Variants in LRRC9 observed in about 807,000 individuals in gnomAD.
LRRC9 encodes leucine-rich repeat-containing protein 9.
In LRRC9, 122 loss-of-function variants were observed where a neutral mutation model predicts 63.2. The ratio of observed to expected loss-of-function variants is 1.93; its 90% confidence interval spans 1.67 to 2.24. LRRC9 has a LOEUF of 2.24. LRRC9 is among the 30% of genes most tolerant of loss of function. LRRC9 has a pLI of 0.00. For synonymous variants in LRRC9, 366 were observed against 213.1 expected, an observed-to-expected ratio of 1.72 and a Z score of -6.25; for missense variants, 1,071 against 627.7, an observed-to-expected ratio of 1.71 and a Z score of -7.55.
chr14:59,948,397 G>C (rs995061212), intron 8 of LRRC9, among the ~76,000 whole-genome samples: 10 of 140,694 alleles, frequency 7.1e-5, no homozygotes, highest in Non-Finnish European at 1.1e-4. Flanking sequence ...ATCAGCTTAA[G>C]GAGATTTTGG....
In LRRC9 at chr14:59,964,309, A is replaced by C. The variant is rs150568120; in HGVS notation, c.1212-2280A>C. On this transcript the variant is annotated intron_variant, in intron 10 of 31. Transcript: ENST00000445360. The surrounding 1 kb of genome is among the most constrained non-coding windows in gnomAD (Gnocchi z 4.4). ...CATAACTTCTGTTCAACTCTTTTAA[A>C]GTCAGCTGAACTGTGTACCGCACTG... is the stretch of plus-strand genomic sequence containing the variant. 9.1e-3 allele frequency among the ~76,000 whole-genome samples: 1,382 copies of C among 152,326 alleles called. 9 individuals carry two copies. Among genetic ancestry groups the C allele is most frequent in the Non-Finnish European group, 0.016 (1,065 of 68,022 alleles).
rs1275774204 is a variant in LRRC9 at position 59,959,999 on chromosome 14, A to AC, written c.1065dup (p.Lys356GlnfsTer5). On this transcript the variant is annotated frameshift_variant, in exon 9 of 32. Transcript: ENST00000445360. LOFTEE classifies it high-confidence loss of function. ...TTGAATGAAAGGGTAACATTCTGGA[A>AC]CAAAAAACTAGATGAGTATGTTTAA... 3.0e-6 allele frequency: 2 copies of AC among 667,914 alleles called. No individual in the cohort carries two copies. The highest frequency in any genetic ancestry group is 4.8e-5 in the Admixed American group (2 of 41,624). The allele number at this position is 667,914 out of a possible 1,614,324, so 41.4% of individuals were successfully genotyped here.
chr14:59,949,588 T>C (rs1421697959), intron 8 of LRRC9, among the ~76,000 whole-genome samples: 2 of 144,318 alleles, frequency 1.4e-5, no homozygotes, highest in African/African-American at 4.9e-5. Context: ...AATTGTGATG[T>C]TAGGGTGTCA....
At chr14:59,978,099 G>A (rs550181051) in exon 15 of LRRC9, 68 of 701,954 alleles carry the variant, frequency 9.7e-5, no homozygotes, top group Non-Finnish European at 1.3e-4. Context: ...TTGTTTTGCC[G>A]GAATATGTTG....
intron 22 of LRRC9, among the ~76,000 whole-genome samples, chr14:60,006,937 C>G (rs932775625): frequency 1.4e-4 from 21 of 152,130 alleles, no homozygotes; most frequent in African/African-American, 4.8e-4. Flanking sequence ...TTACCAGTGG[C>G]TCAAACTTGG....
chr14:60,004,006 A>AC lies in LRRC9; in HGVS notation c.2842+208_2842+209insC, dbSNP rs1244994902. On this transcript the variant is annotated intron_variant, in intron 21 of 31. Transcript: ENST00000445360. The surrounding 1 kb of genome is among the most constrained non-coding windows in gnomAD (Gnocchi z 4.8). ...TTCTACAATGTATATATATACTTCA[A>AC]AACATCATGTTGTACAAGATAAATG... 6.6e-6 allele frequency among the ~76,000 whole-genome samples: 1 copy of AC among 152,200 alleles called. No individual in the cohort carries two copies.
intron 29 of LRRC9, among the ~76,000 whole-genome samples, chr14:60,038,671 G>C (rs1056431180): frequency 2.6e-5 from 4 of 152,178 alleles, no homozygotes; most frequent in African/African-American, 4.8e-5. Context: ...TTGGGGATGA[G>C]ACAATGGGGT....
intron 17 of LRRC9, among the ~76,000 whole-genome samples, chr14:59,994,582 T>C (rs1369420764): frequency 6.6e-6 from 1 of 152,158 alleles, no homozygotes; most frequent in Non-Finnish European, 1.5e-5. Context: ...TGCAGCACTA[T>C]TCACAATAGC....
intron 1 of LRRC9, among the ~76,000 whole-genome samples, chr14:59,925,394 A>T (rs1232727298): frequency 6.6e-6 from 1 of 152,172 alleles, no homozygotes; most frequent in Non-Finnish European, 1.5e-5. Flanking sequence ...AAGGAACAGT[A>T]TGTACTCACA....
intron 8 of LRRC9, 103 bp downstream of exon 8, chr14:59,944,847 A>G: frequency 2.0e-6 from 1 of 501,270 alleles, no homozygotes; most frequent in Non-Finnish European, 3.4e-6. Flanking sequence ...ACACATATAT[A>G]ATACACACAC....
exon 9 of LRRC9, chr14:59,959,830 C>T (rs780582541): frequency 3.2e-6 from 2 of 624,700 alleles, no homozygotes; most frequent in South Asian, 1.8e-5. Flanking sequence ...GGAACGAGAA[C>T]TGGCTGAACT....
chr14:59,987,906 A>G (rs1057346657), intron 17 of LRRC9, among the ~76,000 whole-genome samples: 1 of 152,216 alleles, frequency 6.6e-6, no homozygotes, highest in Non-Finnish European at 1.5e-5. Flanking sequence ...ATAGATGCTT[A>G]TCCACCAGTT....
rs1890163557 is a variant in LRRC9, at chr14:59,936,677, A to T, written c.544-1713A>T. 6.6e-6 allele frequency among the ~76,000 whole-genome samples: 1 copy of T among 152,196 alleles called. No homozygotes were observed. The highest frequency in any genetic ancestry group is 1.5e-5 in the Non-Finnish European group (1 of 68,018). On this transcript the variant is annotated intron_variant, in intron 6 of 31. Transcript: ENST00000445360. This position sits in a 1 kb window ranked among gnomAD's most constrained non-coding sequence, Gnocchi z 4.2. Reference sequence around the variant, plus strand: ...AGAATTTGACCAAATAATTCTCTGCACAGCTCTGTCCATAAATCTTCCTTT... The same window carrying T: ...AGAATTTGACCAAATAATTCTCTGCTCAGCTCTGTCCATAAATCTTCCTTT...
intron 30 of LRRC9, among the ~76,000 whole-genome samples, chr14:60,056,943 A>G (rs914618001): frequency 1.3e-5 from 2 of 152,180 alleles, no homozygotes; most frequent in South Asian, 4.1e-4. Flanking sequence ...TTGGGGGTTT[A>G]GTTTCAGAAG....
At chr14:59,989,238 AT>A (rs1381662514) in intron 17 of LRRC9, among the ~76,000 whole-genome samples, 1 of 151,294 alleles carries the variant, frequency 6.6e-6, no homozygotes, top group Non-Finnish European at 1.5e-5. Flanking sequence ...TTTTTAATCA[AT>A]TTTTCTGTTT....
At position 59,970,077 on chromosome 14, in the gene LRRC9, T is replaced by A. The variant is rs192464227; in HGVS notation, c.1506+2864T>A. ...TTTGTCACCCAGGTATTAAGCCTAG[T>A]ACCCATTAGTTATTTTTGCAGCTCC... On this transcript the variant is annotated intron_variant, in intron 12 of 31. Transcript: ENST00000445360. Among the ~76,000 whole-genome samples, 23 of 152,286 alleles carry A rather than the reference T, an allele frequency of 1.5e-4. No homozygotes were observed. The East Asian group carries it at 3.9e-3, about 26-fold the overall frequency.
chr14:59,979,346 C>T (rs932557789), intron 15 of LRRC9, among the ~76,000 whole-genome samples: 2 of 152,204 alleles, frequency 1.3e-5, no homozygotes, highest in Non-Finnish European at 2.9e-5. Context: ...CGGCCAGGTG[C>T]GGTGGCTCAC....
intron 16 of LRRC9, among the ~76,000 whole-genome samples, chr14:59,983,196 A>G (rs540292078): frequency 6.6e-6 from 1 of 152,300 alleles, no homozygotes; most frequent in East Asian, 1.9e-4. Context: ...CAAAATTCAC[A>G]TTATATTCTC....
At chr14:59,991,872 C>T (rs931865840) in intron 17 of LRRC9, among the ~76,000 whole-genome samples, 2 of 152,224 alleles carry the variant, frequency 1.3e-5, no homozygotes, top group Non-Finnish European at 2.9e-5. Flanking sequence ...CCTCTGTAGA[C>T]TCCACCTCTG....
Sources: gnomAD v4.1 joint callset for allele counts (sites outside exome capture counted in the v4.1 genomes callset) on GRCh38, gnomAD v4.1.1 for gene constraint, Gnocchi (gnomAD v3.1) non-coding constraint, MANE v1.5 for transcripts, NCBI Gene and HGNC (gene_info 2026-07-23, HGNC 2026-07-21) for gene names.